NDST3: variants seen among roughly 807,000 people sequenced by gnomAD.
NDST3 encodes the protein N-deacetylase and N-sulfotransferase 3, also known as bifunctional heparan sulfate N-deacetylase/N-sulfotransferase 3.
In NDST3, 58 loss-of-function variants were observed where a neutral mutation model predicts 96.1. The observed-to-expected ratio is 0.60, with a 90% CI of 0.49 to 0.75. The LOEUF (loss-of-function observed/expected upper bound fraction) is 0.75. Among genes scored for constraint, NDST3 ranks in the 30% least tolerant of loss-of-function variants. The pLI is 0.00. For missense variants in NDST3, 788 were observed against 1,034.2 expected (o/e 0.76, Z 3.27); for synonymous variants, 333 against 359.7 (o/e 0.93, Z 0.84).
At chr4:118,146,338 G>A (rs1428924370) in intron 6 of NDST3, among the ~76,000 whole-genome samples, 8 of 152,160 alleles carry the variant, frequency 5.3e-5, no homozygotes, top group Non-Finnish European at 1.2e-4. Context: ...ACTACAAAAA[G>A]ATAGATGTGT....
chr4:118,068,479 C>G (rs1259531968), intron 2 of NDST3, among the ~76,000 whole-genome samples: 1 of 152,060 alleles, frequency 6.6e-6, no homozygotes, highest in African/African-American at 2.4e-5. Flanking sequence ...TGTTCAGATG[C>G]ATTTAATCAC....
chr4:118,109,915 A>G (rs1291621532), intron 3 of NDST3, among the ~76,000 whole-genome samples: 1 of 152,148 alleles, frequency 6.6e-6, no homozygotes, highest in East Asian at 1.9e-4. Flanking sequence ...GGGTATGTGC[A>G]TTTATGTGAG....
chr4:118,089,703 G>T (rs1728715776), intron 2 of NDST3, among the ~76,000 whole-genome samples: 1 of 151,924 alleles, frequency 6.6e-6, no homozygotes, highest in Non-Finnish European at 1.5e-5. Flanking sequence ...TTATACATAA[G>T]ATCTGGAGTG....
At chr4:118,249,294 A>C (rs1741505762) in intron 12 of NDST3, among the ~76,000 whole-genome samples, 1 of 152,192 alleles carries the variant, frequency 6.6e-6, no homozygotes, top group Non-Finnish European at 1.5e-5. Context: ...AATTTTGATC[A>C]CTTGAATACT....
intron 6 of NDST3, among the ~76,000 whole-genome samples, chr4:118,203,792 T>C (rs756697910): frequency 3.3e-5 from 5 of 152,184 alleles, no homozygotes; most frequent in Non-Finnish European, 5.9e-5. Flanking sequence ...CTTAAGAAAA[T>C]AAGGATCCCA....
Position 118,087,855 on chromosome 4 carries a change from G to A in NDST3, c.982-17163G>A, listed in dbSNP as rs1414391736. On this transcript the variant is annotated intron_variant, in intron 2 of 13. Coordinates refer to ENST00000296499, the MANE Select transcript of NDST3 (RefSeq NM_004784.3). Reference sequence around the variant, plus strand: ...GAAGTCTAGATTTTAGTGCATGGGAGGTTGACCTTACCAGTTCTTGAATGG... The same window carrying A: ...GAAGTCTAGATTTTAGTGCATGGGAAGTTGACCTTACCAGTTCTTGAATGG... 9.9e-5 allele frequency among the ~76,000 whole-genome samples: 15 copies of A among 152,056 alleles called. 1 individual carries two copies. Among genetic ancestry groups the A allele is most frequent in the Admixed American group, 8.5e-4 (13 of 15,244 alleles).
intron 6 of NDST3, among the ~76,000 whole-genome samples, chr4:118,170,171 G>C (rs1337769613): frequency 1.3e-5 from 2 of 152,182 alleles, no homozygotes; most frequent in Admixed American, 6.5e-5. Context: ...CTGGAAGAAA[G>C]AGAAATTGTG....
At position 118,169,938 on chromosome 4, in the gene NDST3, C is replaced by A. The variant is rs532641849; in HGVS notation, c.1539+26254C>A. 4.1e-4 allele frequency among the ~76,000 whole-genome samples: 62 copies of A among 152,140 alleles called. No individual in the cohort carries two copies. The Middle Eastern group carries it at 0.01, about 25-fold the overall frequency. On this transcript the variant is annotated intron_variant, in intron 6 of 13. Coordinates refer to ENST00000296499, the MANE Select transcript of NDST3 (RefSeq NM_004784.3). ...GCTGGTGGGCATCTCTTCATGTAGT[C>A]CCAGGGCTTTTCCATGTGATCTTTA...
chr4:118,158,962 G>A (rs901830129), intron 6 of NDST3, among the ~76,000 whole-genome samples: 2 of 152,112 alleles, frequency 1.3e-5, no homozygotes, highest in Admixed American at 1.3e-4. Flanking sequence ...CGCAAAACCA[G>A]CTGCATAGAG....
intron 5 of NDST3, among the ~76,000 whole-genome samples, chr4:118,138,927 T>A (rs1733343367): frequency 6.6e-6 from 1 of 152,156 alleles, no homozygotes; most frequent in Non-Finnish European, 1.5e-5. Flanking sequence ...GGAATGGGCC[T>A]CCTAATTTAG....
chr4:118,187,807 A>G (rs1210716457), intron 6 of NDST3, among the ~76,000 whole-genome samples: 3 of 152,172 alleles, frequency 2.0e-5, no homozygotes, highest in Admixed American at 6.5e-5. Flanking sequence ...AAGAGTTCCA[A>G]TGGGCATACA....
chr4:118,114,994 T>C lies in NDST3; in HGVS notation c.1224+34T>C, dbSNP rs759595791. The C allele has an allele frequency of 3.1e-6, 5 of 1,591,158 alleles. No individual in the cohort carries two copies. The South Asian group carries it at 3.4e-5, about 11-fold the overall frequency. On this transcript the variant is annotated intron_variant, in intron 4 of 13. Transcript: ENST00000296499. ...CTCACTTTGTTGCATTGAAGTAGTG[T>C]ACACTGATTGGAGAAATGAAAAGAT...
intron 6 of NDST3, among the ~76,000 whole-genome samples, chr4:118,187,935 A>G (rs1042182666): frequency 1.3e-5 from 2 of 152,302 alleles, no homozygotes; most frequent in Non-Finnish European, 2.9e-5. Flanking sequence ...TGTTGCTCCC[A>G]GAAGACCCAG....
chr4:118,233,366 A>G (rs1342625955), intron 9 of NDST3, among the ~76,000 whole-genome samples: 1 of 152,194 alleles, frequency 6.6e-6, no homozygotes, highest in Non-Finnish European at 1.5e-5. Context: ...TTCAATTGGC[A>G]TTAATTTTCT....
chr4:118,070,484 T>C (rs530929336), intron 2 of NDST3, among the ~76,000 whole-genome samples: 1 of 152,060 alleles, frequency 6.6e-6, no homozygotes, highest in South Asian at 2.1e-4. Context: ...ATATAACTTG[T>C]TTAAAATATT....
In NDST3 at chr4:118,193,703, C is replaced by G. The variant is rs114063606; in HGVS notation, c.1540-30788C>G. ...GTCATTCACAGCCAGGTGGGCCTCT[C>G]CCCAATGGAAGAGGCCCTTCTCGTT... On this transcript the variant is annotated intron_variant, in intron 6 of 13. Transcript: ENST00000296499. 922 of 1,289,208 alleles carry G rather than the reference C, an allele frequency of 7.2e-4. 3 individuals are homozygous for G. The African/African-American group carries it at 0.012, about 16-fold the overall frequency. The allele number at this position is 1,289,208 out of a possible 1,614,324, so 79.9% of individuals were successfully genotyped here.
intron 6 of NDST3, among the ~76,000 whole-genome samples, chr4:118,211,355 T>C (rs958472960): frequency 2.0e-5 from 3 of 152,166 alleles, no homozygotes; most frequent in Admixed American, 6.5e-5. Context: ...ATTTAACATA[T>C]GAGCTACATA....
chr4:118,112,964 A>C (rs1438549146), intron 3 of NDST3, among the ~76,000 whole-genome samples: 1 of 152,102 alleles, frequency 6.6e-6, no homozygotes, highest in Admixed American at 6.5e-5. Flanking sequence ...ACCTGTGAAA[A>C]CTACCTTCTC....
At chr4:118,169,390 C>T (rs1418171309) in intron 6 of NDST3, among the ~76,000 whole-genome samples, 1 of 152,022 alleles carries the variant, frequency 6.6e-6, no homozygotes, top group Non-Finnish European at 1.5e-5. Flanking sequence ...TAAAAATATA[C>T]ATCTATAAAA....
Sources: gnomAD v4.1 joint callset for allele counts (sites outside exome capture counted in the v4.1 genomes callset) on GRCh38, gnomAD v4.1.1 for gene constraint, MANE v1.5 for transcripts, NCBI Gene and HGNC (gene_info 2026-07-23, HGNC 2026-07-21) for gene names.